The following PPEF1 variants were observed in gnomAD, a reference collection of about 807,000 sequenced individuals.
PPEF1 encodes serine/threonine-protein phosphatase with EF-hands 1.
Under a neutral mutation model 53.3 loss-of-function variants are expected in PPEF1, and 12 were observed. That is an observed-to-expected ratio of 0.23 (90% CI 0.14 to 0.36). The LOEUF is 0.36. Among genes scored for constraint, PPEF1 ranks in the 10% least tolerant of loss-of-function variants. The pLI is 1.00. For synonymous variants in PPEF1, 165 were observed against 176.7 expected, an observed-to-expected ratio of 0.93 and a Z score of 0.52; for missense variants, 334 against 490.4, an observed-to-expected ratio of 0.68 and a Z score of 3.01.
intron 4 of PPEF1, among the ~76,000 whole-genome samples, chrX:18,754,492 G>A (rs779835214): frequency 6.4e-4 from 72 of 111,640 alleles, no homozygotes; most frequent in African/African-American, 2.2e-3. Context: ...TCCTGAGATT[G>A]AACTGAGATC....
At position 18,806,803 on chromosome X, in the gene PPEF1, AAAG is replaced by A. The variant is rs745781017; in HGVS notation, c.1394+263_1394+265del. ...TCAGAAACGTAACTGAATGTAAAGAAAAGAAGATCCCCACACCCACTCAGTCCC... is the reference window on the plus strand; with the variant it reads ...TCAGAAACGTAACTGAATGTAAAGAAAAGATCCCCACACCCACTCAGTCCC... On this transcript the variant is annotated intron_variant, in intron 12 of 15. Coordinates refer to ENST00000470157, the MANE Select transcript of PPEF1 (RefSeq NM_001377996.1). Among the ~76,000 whole-genome samples the A allele has an allele frequency of 3.6e-5, 4 of 111,822 alleles. No individual in the cohort carries two copies. In the South Asian group the frequency reaches 1.5e-3, roughly 42 times the overall value.
intron 10 of PPEF1, among the ~76,000 whole-genome samples, chrX:18,795,367 G>GCCCCTA (rs1214232132): frequency 1.8e-5 from 2 of 112,091 alleles, no homozygotes; most frequent in South Asian, 7.4e-4. Context: ...GGTCTGCCAA[G>GCCCCTA]CCCCTAACAC....
chrX:18,681,437 A>G (rs765303837), upstream of PPEF1, among the ~76,000 whole-genome samples: 13 of 111,996 alleles, frequency 1.2e-4, 1 homozygote, highest in African/African-American at 3.6e-4. Flanking sequence ...TGCTCAGTGA[A>G]TATGTCTTGA....
At chrX:18,755,014 T>C (rs1247154519) in intron 4 of PPEF1, among the ~76,000 whole-genome samples, 1 of 111,011 alleles carries the variant, frequency 9.0e-6, no homozygotes, top group Non-Finnish European at 1.9e-5. Flanking sequence ...ACCTGTAGGG[T>C]ATTTGGTTAG....
At chrX:18,800,431 C>T (rs1220136742) in intron 10 of PPEF1, among the ~76,000 whole-genome samples, 1 of 110,812 alleles carries the variant, frequency 9.0e-6, no homozygotes, top group Non-Finnish European at 1.9e-5. Flanking sequence ...ACGGGTTCTG[C>T]ATTGTGGACT....
At chrX:18,678,883 C>A (rs761273015), upstream of PPEF1, among the ~76,000 whole-genome samples, 10 of 110,961 alleles carry the variant, frequency 9.0e-5, no homozygotes, top group Non-Finnish European at 1.5e-4. Context: ...ACCCCAGCGA[C>A]CTCATTCAAT....
At chrX:18,744,136 C>A (rs1300415099) in intron 3 of PPEF1, among the ~76,000 whole-genome samples, 2 of 111,414 alleles carry the variant, frequency 1.8e-5, no homozygotes, top group Admixed American at 9.6e-5. Context: ...GGTGATCCAC[C>A]CGCCTCGGCC....
intron 4 of PPEF1, among the ~76,000 whole-genome samples, chrX:18,752,417 C>G (rs2035448240): frequency 9.1e-6 from 1 of 110,453 alleles, no homozygotes; most frequent in Non-Finnish European, 1.9e-5. Context: ...TTTGAATATT[C>G]TATATACCAG....
chrX:18,726,254 T>C (rs1013861537), intron 1 of PPEF1, among the ~76,000 whole-genome samples: 2 of 110,532 alleles, frequency 1.8e-5, no homozygotes, highest in Admixed American at 9.7e-5. Flanking sequence ...CTGGGGAGGC[T>C]GAGGCAGAGA....
At chrX:18,788,304 C>CAA (rs1214682551) in intron 9 of PPEF1, among the ~76,000 whole-genome samples, 2,841 of 28,985 alleles carry the variant, frequency 0.098, 332 homozygotes, top group African/African-American at 0.25. Flanking sequence ...GACTCTGTCT[C>CAA]AAAAAAAAAA....
At position 18,823,822 on chromosome X, in the gene PPEF1, A is replaced by G. The variant is rs757184182; in HGVS notation, c.1502-101A>G. 19 of 903,135 alleles carry G rather than the reference A, an allele frequency of 2.1e-5. No homozygotes were observed. In the East Asian group the frequency reaches 5.3e-4, roughly 25 times the overall value. 74.4% of individuals were successfully genotyped at this position (903,135 alleles called of 1,213,427 possible). On this transcript the variant is annotated intron_variant, in intron 13 of 15. Coordinates refer to ENST00000470157, the MANE Select transcript of PPEF1 (RefSeq NM_001377996.1). Reference sequence around the variant, plus strand: ...GGCCTGGGAGGATAAATTATGAGGGAGAGCAGCTGGCCCCATGCTGCCCTG... The same window carrying G: ...GGCCTGGGAGGATAAATTATGAGGGGGAGCAGCTGGCCCCATGCTGCCCTG...
At chrX:18,776,593 C>G (rs1602439482) in intron 6 of PPEF1, among the ~76,000 whole-genome samples, 1 of 111,285 alleles carries the variant, frequency 9.0e-6, no homozygotes, top group Admixed American at 9.6e-5. Context: ...TACACTAAGC[C>G]CAGTGTGAAT....
intron 1 of PPEF1, among the ~76,000 whole-genome samples, chrX:18,677,146 C>T (rs1054044957): frequency 4.6e-5 from 5 of 109,028 alleles, no homozygotes; most frequent in Non-Finnish European, 9.5e-5. Flanking sequence ...GAGCAATTCT[C>T]CTGCCTCAGC....
Position 18,707,655 on chromosome X carries a change from T to C in PPEF1, c.-126T>C. On this transcript the variant is annotated 5_prime_UTR_variant, in exon 1 of 16. Transcript: ENST00000470157. ...TTCCCTCCCTCCTGTGTATTCCTCA[T>C]TAGAATCTATGACTGAAGAGGATCG... 1 of 586,726 alleles carries C rather than the reference T, an allele frequency of 1.7e-6. No individual in the cohort carries two copies. The highest frequency in any genetic ancestry group is 2.8e-6 in the Non-Finnish European group (1 of 360,644). 48.4% of individuals were successfully genotyped at this position (586,726 alleles called of 1,213,427 possible). A position where few individuals can be genotyped will look rare whatever the true frequency, so the allele number is the denominator to read the frequency against.
At chrX:18,822,028 G>A (rs2047071522) in intron 13 of PPEF1, among the ~76,000 whole-genome samples, 3 of 111,247 alleles carry the variant, frequency 2.7e-5, no homozygotes, top group South Asian at 7.5e-4. Context: ...GACTGGAGAG[G>A]ATGGAGCCAC....
intron 12 of PPEF1, among the ~76,000 whole-genome samples, chrX:18,807,998 T>C (rs1602476797): frequency 1.0e-5 from 1 of 97,195 alleles, no homozygotes; most frequent in Non-Finnish European, 2.1e-5. Flanking sequence ...GACGGAGTCT[T>C]GCTCTGTTGC....
intron 1 of PPEF1, among the ~76,000 whole-genome samples, chrX:18,716,084 G>A (rs375647692): frequency 9.0e-6 from 1 of 111,712 alleles, no homozygotes; most frequent in Non-Finnish European, 1.9e-5. Flanking sequence ...GGTTTGATGC[G>A]TAAGCTGTGA....
rs184309794 is a variant in PPEF1 at position 18,738,051 on chromosome X, A to C, written c.235+4243A>C. ...GTGAGATGGGTCTCCTGAATACAGC[A>C]CACTGATGGGTCTTGACTCTTTATC... On this transcript the variant is annotated intron_variant, in intron 3 of 15. Coordinates refer to ENST00000470157, the MANE Select transcript of PPEF1 (RefSeq NM_001377996.1). Among the ~76,000 whole-genome samples, 1,443 of 110,584 alleles carry C rather than the reference A, an allele frequency of 0.013. 29 individuals are homozygous for C. The South Asian group carries it at 0.15, about 12-fold the overall frequency.
upstream of PPEF1, among the ~76,000 whole-genome samples, chrX:18,675,252 G>T (rs1439025305): frequency 8.8e-6 from 1 of 113,402 alleles, no homozygotes; most frequent in Non-Finnish European, 1.9e-5. Context: ...GGCGCCGGCG[G>T]GGCGGCCCGG....
Sources: gnomAD v4.1 joint callset for allele counts (sites outside exome capture counted in the v4.1 genomes callset) on GRCh38, gnomAD v4.1.1 for gene constraint, MANE v1.5 for transcripts, NCBI Gene and HGNC (gene_info 2026-07-23, HGNC 2026-07-21) for gene names.